The following TMEM114 variants were observed in gnomAD, a reference collection of about 807,000 sequenced individuals.
TMEM114 encodes transmembrane protein 114, also known as claudin-26.
A neutral mutation model predicts 6.2 loss-of-function variants in TMEM114; 6 were observed. That is an observed-to-expected ratio of 0.97 (90% confidence interval 0.53 to 1.91). The LOEUF (loss-of-function observed/expected upper bound fraction) is 1.91, where lower values mean the gene tolerates loss of function less well. TMEM114 is among the 40% of genes most tolerant of loss of function. The pLI is 0.01. For missense variants in TMEM114, 218 were observed against 158.3 expected (o/e 1.38, Z -2.02); for synonymous variants, 104 against 73.0 (o/e 1.42, Z -2.16).
chr16:8,583,475 T>G (rs1295425138), intron 2 of TMEM114, among the ~76,000 whole-genome samples: 1 of 152,110 alleles, frequency 6.6e-6, no homozygotes, highest in Non-Finnish European at 1.5e-5. Flanking sequence ...CCGAGCACAG[T>G]GGTTCAGGCC....
chr16:8,547,982 G>A (rs966117901), intron 2 of TMEM114, among the ~76,000 whole-genome samples: 1 of 152,138 alleles, frequency 6.6e-6, no homozygotes, highest in African/African-American at 2.4e-5. Context: ...CCCAGTCCAG[G>A]TGATAGAAAC....
intron 2 of TMEM114, among the ~76,000 whole-genome samples, chr16:8,544,240 A>C (rs1362549675): frequency 2.6e-5 from 4 of 152,222 alleles, no homozygotes; most frequent in African/African-American, 9.6e-5. Context: ...GTCTTGCTTA[A>C]CAGATAAGCA....
At chr16:8,536,369 C>T (rs1039546855), downstream of TMEM114, among the ~76,000 whole-genome samples, 1 of 152,192 alleles carries the variant, frequency 6.6e-6, no homozygotes, top group African/African-American at 2.4e-5. Flanking sequence ...TAGCTAACTT[C>T]ACCACACCTT....
intron 2 of TMEM114, among the ~76,000 whole-genome samples, chr16:8,576,349 G>A (rs991555107): frequency 3.9e-5 from 6 of 152,288 alleles, no homozygotes; most frequent in African/African-American, 7.2e-5. Context: ...CCCGAATCCC[G>A]TAAGTCCTTC....
chr16:8,581,341 G>A (rs559369435), intron 2 of TMEM114, among the ~76,000 whole-genome samples: 4 of 152,084 alleles, frequency 2.6e-5, no homozygotes, highest in Admixed American at 6.5e-5. Context: ...ACCTATAAAT[G>A]TCTAGCCATC....
the TMEM114 span, among the ~76,000 whole-genome samples, chr16:8,527,053 G>A: frequency 6.6e-5 from 10 of 152,068 alleles, no homozygotes; most frequent in African/African-American, 2.4e-4. Flanking sequence ...GCTAAACATA[G>A]CAAAATTAGC....
Position 8,589,944 on chromosome 16 carries a change from C to T in TMEM114, c.-106G>A. The T allele has an allele frequency of 2.6e-6, 1 of 388,140 alleles. No individual in the cohort carries two copies. The highest frequency in any genetic ancestry group is 4.6e-6 in the Non-Finnish European group (1 of 219,764). The allele number at this position is 388,140 out of a possible 1,614,324, so 24.0% of individuals were successfully genotyped here. A position where few individuals can be genotyped will look rare whatever the true frequency, so the allele number is the denominator to read the frequency against. The stretch of plus-strand genomic sequence containing the variant: ...CACCGCGGGCTCCCAGCTCCACCGC[C>T]GCCAGAGCCGCGGAGCTCAGATCTG... On this transcript the variant is annotated 5_prime_UTR_variant, in exon 1 of 4. Coordinates refer to ENST00000620492, the MANE Select transcript of TMEM114 (RefSeq NM_001146336.2).
the TMEM114 span, among the ~76,000 whole-genome samples, chr16:8,527,486 A>T: frequency 1.3e-5 from 2 of 152,166 alleles, no homozygotes; most frequent in Non-Finnish European, 2.9e-5. Flanking sequence ...ATTTGCTGTG[A>T]GCACAAAATA....
chr16:8,546,208 G>A (rs1434807035), intron 2 of TMEM114, among the ~76,000 whole-genome samples: 1 of 152,100 alleles, frequency 6.6e-6, no homozygotes, highest in Non-Finnish European at 1.5e-5. Flanking sequence ...ACTTTTACAT[G>A]CACCACGATG....
chr16:8,585,351 C>A (rs745496501), intron 2 of TMEM114, among the ~76,000 whole-genome samples: 31 of 152,184 alleles, frequency 2.0e-4, no homozygotes, highest in Non-Finnish European at 3.4e-4. Context: ...AGTCCTCCAT[C>A]TGCCAGGTGA....
chr16:8,589,393 C>T (rs1436819860), intron 1 of TMEM114, 100 bp from the exon 2 acceptor site: 3 of 398,384 alleles, frequency 7.5e-6, no homozygotes, highest in Admixed American at 4.4e-5. Flanking sequence ...GTGCCCCACC[C>T]GGGGAGGGCG....
intron 2 of TMEM114, among the ~76,000 whole-genome samples, chr16:8,543,238 G>T (rs955480103): frequency 2.0e-5 from 3 of 152,134 alleles, no homozygotes; most frequent in South Asian, 2.1e-4. Context: ...AGGAGCACTT[G>T]TTCATTTTTA....
chr16:8,547,396 C>CTT (rs748623573), intron 2 of TMEM114, among the ~76,000 whole-genome samples: 9 of 74,358 alleles, frequency 1.2e-4, no homozygotes, highest in Admixed American at 9.3e-4. Context: ...TTCTTTCTTT[C>CTT]TTTTTTTTTT....
chr16:8,564,097 ATGAG>A (rs1190255482), intron 2 of TMEM114, among the ~76,000 whole-genome samples: 7 of 150,104 alleles, frequency 4.7e-5, no homozygotes, highest in East Asian at 2.0e-4. Context: ...GAGTGAGTGA[ATGAG>A]TGAGGAAATA....
At chr16:8,586,348 C>T (rs189658864) in intron 2 of TMEM114, among the ~76,000 whole-genome samples, 61 of 152,168 alleles carry the variant, frequency 4.0e-4, no homozygotes, top group African/African-American at 1.4e-3. Flanking sequence ...TAACCATATC[C>T]CTTGATGGTG....
intron 2 of TMEM114, among the ~76,000 whole-genome samples, chr16:8,541,492 T>C (rs1404996550): frequency 6.6e-6 from 1 of 152,050 alleles, no homozygotes; most frequent in Non-Finnish European, 1.5e-5. Flanking sequence ...GACCATAAGG[T>C]TCAGGAAGGG....
At chr16:8,589,473 C>T (rs1286971184) in intron 1 of TMEM114, 146 bp downstream of exon 1, 3 of 397,892 alleles carry the variant, frequency 7.5e-6, no homozygotes, top group Non-Finnish European at 1.3e-5. Flanking sequence ...TCCCGGCCTT[C>T]TGCTCACCTT....
rs1432902522 is a variant in TMEM114 at position 8,572,130 on chromosome 16, G to A, written c.396C>T (p.Ala132=). ...TTCCAGTGAGCAGGAGGAGGAGGTAGGCTTGGAGGAGGAAGCTCAGAAACC... is the reference window on the plus strand; with the variant it reads ...TTCCAGTGAGCAGGAGGAGGAGGTAAGCTTGGAGGAGGAAGCTCAGAAACC... ...MTGFLSFLLQ[A]YLLLLLTGIL... The change falls in exon 3 of 4, where the codon GCC becomes GCT. Residue 132 remains alanine (A), a synonymous_variant. Transcript: ENST00000620492. 1.9e-6 allele frequency: 3 copies of A among 1,551,476 alleles called. No homozygotes were observed. The highest frequency in any genetic ancestry group is 2.0e-5 in the Admixed American group (1 of 50,972).
chr16:8,559,753 G>A (rs1202016039), intron 2 of TMEM114, among the ~76,000 whole-genome samples: 1 of 152,170 alleles, frequency 6.6e-6, no homozygotes, highest in Admixed American at 6.5e-5. Flanking sequence ...CTGCAGTTGC[G>A]ATGCTGCCGA....
Sources: gnomAD v4.1 joint callset for allele counts (sites outside exome capture counted in the v4.1 genomes callset) on GRCh38, gnomAD v4.1.1 for gene constraint, MANE v1.5 for transcripts, NCBI Gene and HGNC (gene_info 2026-07-23, HGNC 2026-07-21) for gene names.